The following HIVEP2 variants were observed in gnomAD, a reference collection of about 807,000 sequenced individuals.
The protein encoded by HIVEP2 is HIVEP zinc finger 2, also known as transcription factor HIVEP2.
A neutral mutation model predicts 180.7 loss-of-function variants in HIVEP2; 14 were observed. That is an observed-to-expected ratio of 0.08 (90% confidence interval 0.05 to 0.12). The LOEUF is 0.12. Ranked by LOEUF, HIVEP2 falls within the 10% of genes least tolerant of loss-of-function variation. The probability of loss-of-function intolerance (pLI) is 1.00; values close to 1 mark genes in which losing one functional copy is unlikely to be tolerated. For synonymous variants in HIVEP2, 1,184 were observed against 1,136.4 expected (o/e 1.04, Z -0.84); for missense variants, 2,579 against 3,008.5 (o/e 0.86, Z 3.34).
intron 1 of HIVEP2, among the ~76,000 whole-genome samples, chr6:142,911,139 T>TAAAAAAAAAAAAAAAAAAAAAAAA (rs5880554): frequency 1.9e-5 from 2 of 106,232 alleles, no homozygotes; most frequent in African/African-American, 3.9e-5. Context: ...ACAAACACAT[T>TAAAAAAAAAAAAAAAAAAAAAAAA]AAAAAAAAAA....
intron 1 of HIVEP2, among the ~76,000 whole-genome samples, chr6:142,847,196 T>G (rs1775535893): frequency 6.6e-6 from 1 of 152,210 alleles, no homozygotes; most frequent in Admixed American, 6.5e-5. Context: ...TTCCAATTCC[T>G]CACTAATCTG....
At chr6:142,847,650 C>T (rs766940585) in intron 1 of HIVEP2, among the ~76,000 whole-genome samples, 7 of 152,138 alleles carry the variant, frequency 4.6e-5, no homozygotes, top group Non-Finnish European at 7.4e-5. Flanking sequence ...GAAAATTAAA[C>T]AACTGCTAAC....
chr6:142,785,782 G>A (rs983790887), intron 2 of HIVEP2, among the ~76,000 whole-genome samples: 5 of 152,132 alleles, frequency 3.3e-5, no homozygotes, highest in African/African-American at 1.2e-4. Flanking sequence ...TTTTTACCCG[G>A]TAAGAGGATT....
chr6:142,812,617 G>A lies in HIVEP2; in HGVS notation c.-528+24318C>T, dbSNP rs79046000. Among the ~76,000 whole-genome samples, 1,135 of 152,234 alleles carry A rather than the reference G, an allele frequency of 7.5e-3. 32 individuals carry two copies. The highest frequency in any genetic ancestry group is 0.054 in the East Asian group (282 of 5,178). ...AAATTATGAAGTAGAAAGTGGAAAA[G>A]TGTGACCTATAAAGAGGAGAAAAAT... On this transcript the variant is annotated intron_variant, in intron 2 of 9. Transcript: ENST00000367603.
intron 1 of HIVEP2, among the ~76,000 whole-genome samples, chr6:142,887,084 A>G (rs1776716820): frequency 1.3e-5 from 2 of 152,204 alleles, no homozygotes; most frequent in Admixed American, 1.3e-4. Context: ...TTGAGGAAGT[A>G]CACGTGTACC....
chr6:142,875,483 A>G (rs1776411083), intron 1 of HIVEP2, among the ~76,000 whole-genome samples: 1 of 152,194 alleles, frequency 6.6e-6, no homozygotes, highest in Admixed American at 6.5e-5. Flanking sequence ...TTAATAGGCT[A>G]CTCTGGGGAG....
intron 1 of HIVEP2, among the ~76,000 whole-genome samples, chr6:142,860,834 C>A (rs1280533951): frequency 1.3e-5 from 2 of 152,214 alleles, no homozygotes; most frequent in Non-Finnish European, 2.9e-5. Context: ...TACAGGCTAT[C>A]CATTGCTGCA....
At chr6:142,784,707 A>G in intron 2 of HIVEP2, among the ~76,000 whole-genome samples, 1 of 152,160 alleles carries the variant, frequency 6.6e-6, no homozygotes, top group East Asian at 1.9e-4. Flanking sequence ...TTTAAACTTT[A>G]TTCTTCTTGC....
At chr6:142,925,414 T>C (rs1482027355) in intron 1 of HIVEP2, among the ~76,000 whole-genome samples, 4 of 152,200 alleles carry the variant, frequency 2.6e-5, no homozygotes, top group African/African-American at 7.2e-5. Flanking sequence ...AGTATATCTG[T>C]ACCAACATTT....
At chr6:142,821,700 A>G (rs1380126614) in intron 2 of HIVEP2, among the ~76,000 whole-genome samples, 1 of 152,242 alleles carries the variant, frequency 6.6e-6, no homozygotes, top group African/African-American at 2.4e-5. Flanking sequence ...AATTAATTTA[A>G]CAAAGCCCAC....
At chr6:142,869,363 A>G (rs1776230764) in intron 1 of HIVEP2, among the ~76,000 whole-genome samples, 1 of 152,254 alleles carries the variant, frequency 6.6e-6, no homozygotes, top group Non-Finnish European at 1.5e-5. Flanking sequence ...ATTCCATAAA[A>G]ACAAATTCAT....
In HIVEP2 at chr6:142,770,870, G is replaced by T; in HGVS notation, c.3869C>A (p.Pro1290Gln). The T allele has an allele frequency of 6.2e-7, 1 of 1,614,206 alleles. No individual in the cohort carries two copies. The highest frequency in any genetic ancestry group is 8.5e-7 in the Non-Finnish European group (1 of 1,180,032). Residue 1290 changes from proline to glutamine, a missense_variant, in exon 5 of 10, where the codon CCA (proline) becomes CAA (glutamine). Around this residue, in one of 11 missense-constraint regions of HIVEP2, gnomAD observed 523 missense variants for 577.0 expected, o/e 0.91. Transcript: ENST00000367603. This position sits in a 1 kb window ranked among gnomAD's most constrained non-coding sequence, Gnocchi z 4.7. ...PCYSGASGLH[P>Q]KNLLPKFPSD... ...TGGAAACTTTGGAAGAAGGTTCTTT[G>T]GGTGTAGCCCTGATGCTCCTGAATA... is the stretch of plus-strand genomic sequence containing the variant.
chr6:142,856,966 A>T (rs942318429), intron 1 of HIVEP2, among the ~76,000 whole-genome samples: 4 of 152,130 alleles, frequency 2.6e-5, no homozygotes, highest in Non-Finnish European at 5.9e-5. Context: ...AGCATTCTAC[A>T]TTATTCAAAA....
chr6:142,797,242 G>A (rs1007007588), intron 2 of HIVEP2, among the ~76,000 whole-genome samples: 1 of 151,406 alleles, frequency 6.6e-6, no homozygotes, highest in Non-Finnish European at 1.5e-5. Context: ...TACAAGTTCT[G>A]GATGAAAAAT....
chr6:142,843,563 G>C (rs1164747953), intron 1 of HIVEP2, among the ~76,000 whole-genome samples: 3 of 152,190 alleles, frequency 2.0e-5, no homozygotes, highest in Non-Finnish European at 4.4e-5. Flanking sequence ...GGCAATTCTA[G>C]AAGGGAGAGC....
intron 1 of HIVEP2, among the ~76,000 whole-genome samples, chr6:142,853,466 T>C (rs1317044926): frequency 6.6e-6 from 1 of 152,240 alleles, no homozygotes; most frequent in Non-Finnish European, 1.5e-5. Context: ...AAATTTGGAA[T>C]GTGTTTCCCT....
intron 2 of HIVEP2, among the ~76,000 whole-genome samples, chr6:142,830,331 C>T (rs1766855267): frequency 2.0e-5 from 3 of 152,144 alleles, no homozygotes; most frequent in Admixed American, 2.0e-4. Context: ...TGTTTCTTTG[C>T]TGTGCTATTT....
At position 142,842,729 on chromosome 6, in the gene HIVEP2, A is replaced by G. The variant is rs139259662; in HGVS notation, c.-640-5682T>C. On this transcript the variant is annotated intron_variant, in intron 1 of 9. Transcript: ENST00000367603. The stretch of plus-strand genomic sequence containing the variant: ...TCAAAATAGCAAGCTGAGTGGGTGT[A>G]AGCACTTTAAGTGAAAAAAAAAAAG... 6.9e-3 allele frequency among the ~76,000 whole-genome samples: 1,055 copies of G among 152,246 alleles called. 14 individuals carry two copies. Among genetic ancestry groups the G allele is most frequent in the African/African-American group, 0.024 (990 of 41,522 alleles).
At chr6:142,888,635 T>C (rs1312885837) in intron 1 of HIVEP2, among the ~76,000 whole-genome samples, 1 of 152,202 alleles carries the variant, frequency 6.6e-6, no homozygotes, top group Admixed American at 6.5e-5. Flanking sequence ...AACCTTTCCC[T>C]CATGCCTGAT....
Sources: gnomAD v4.1 joint callset for allele counts (sites outside exome capture counted in the v4.1 genomes callset) on GRCh38, gnomAD v4.1.1 for gene constraint, gnomAD v4.1.1 regional missense constraint, Gnocchi (gnomAD v3.1) non-coding constraint, MANE v1.5 for transcripts, NCBI Gene and HGNC (gene_info 2026-07-23, HGNC 2026-07-21) for gene names.